Variants in FREM1 observed in about 807,000 individuals in gnomAD.
FREM1 encodes FRAS1-related extracellular matrix protein 1.
FREM1 carries 220 observed loss-of-function variants against 210.1 expected under a neutral mutation model. The observed-to-expected ratio is 1.05, with a 90% confidence interval of 0.94 to 1.17. The LOEUF is 1.17. Ranked by LOEUF, FREM1 falls within the 50% of genes most tolerant of loss-of-function variation. The probability of loss-of-function intolerance (pLI) is 0.00; values close to 1 mark genes in which losing one functional copy is unlikely to be tolerated. For missense variants in FREM1, 3,454 were observed against 2,675.5 expected, an observed-to-expected ratio of 1.29 and a Z score of -6.42; for synonymous variants, 1,189 against 980.2, an observed-to-expected ratio of 1.21 and a Z score of -3.98.
At chr9:14,880,363 G>C (rs1834564879) in intron 1 of FREM1, among the ~76,000 whole-genome samples, 1 of 152,084 alleles carries the variant, frequency 6.6e-6, no homozygotes, top group Non-Finnish European at 1.5e-5. Flanking sequence ...CAGCACTTTG[G>C]GAAGCCGAGG....
chr9:14,754,763 C>A (rs1241611076), intron 29 of FREM1, among the ~76,000 whole-genome samples: 4 of 152,062 alleles, frequency 2.6e-5, no homozygotes, highest in Non-Finnish European at 5.9e-5. Flanking sequence ...GAAACCCCGT[C>A]TCTACTAAAA....
chr9:14,794,228 G>C (rs1286916822), intron 21 of FREM1, among the ~76,000 whole-genome samples: 1 of 152,146 alleles, frequency 6.6e-6, no homozygotes, highest in Non-Finnish European at 1.5e-5. Context: ...GGGAGTAGGA[G>C]AGAAAGGGAA....
intron 25 of FREM1, among the ~76,000 whole-genome samples, chr9:14,771,316 CT>C (rs989496578): frequency 3.9e-5 from 6 of 151,948 alleles, no homozygotes; most frequent in African/African-American, 1.4e-4. Flanking sequence ...TTTGGCATGT[CT>C]TTTTTCAACT....
chr9:14,785,493 C>T (rs1379333344), intron 23 of FREM1, among the ~76,000 whole-genome samples: 1 of 152,112 alleles, frequency 6.6e-6, no homozygotes, highest in Non-Finnish European at 1.5e-5. Flanking sequence ...CAACCATATT[C>T]ATATCAGGAT....
At chr9:14,826,430 C>T (rs930043587) in intron 10 of FREM1, among the ~76,000 whole-genome samples, 6 of 152,180 alleles carry the variant, frequency 3.9e-5, no homozygotes, top group African/African-American at 1.4e-4. Flanking sequence ...ATCAATCCAA[C>T]ACTCTAATTA....
intron 10 of FREM1, among the ~76,000 whole-genome samples, chr9:14,831,862 C>T (rs1333774194): frequency 6.6e-6 from 1 of 152,210 alleles, no homozygotes; most frequent in African/African-American, 2.4e-5. Flanking sequence ...CTCGGAGGGT[C>T]ACGCCTGCAA....
chr9:14,871,006 A>G (rs933110150), intron 1 of FREM1, among the ~76,000 whole-genome samples: 1 of 152,102 alleles, frequency 6.6e-6, no homozygotes, highest in African/African-American at 2.4e-5. Context: ...ATGGCTGCAT[A>G]GTATTCCATG....
rs559484885 is a variant in FREM1, at chr9:14,760,550, T to C, written c.5205-649A>G. On this transcript the variant is annotated intron_variant, in intron 27 of 36. Coordinates refer to ENST00000380880, the MANE Select transcript of FREM1 (RefSeq NM_001379081.2). ...GAGGATAGTCTTTCTTTCCACAATA[T>C]ATTTAGTGAGTCCAACATTTGGTGG... is the stretch of plus-strand genomic sequence containing the variant. Among the ~76,000 whole-genome samples the C allele has an allele frequency of 8.5e-5, 13 of 152,292 alleles. 1 individual carries two copies. Among genetic ancestry groups the C allele is most frequent in the African/African-American group, 2.9e-4 (12 of 41,572 alleles).
intron 27 of FREM1, among the ~76,000 whole-genome samples, chr9:14,768,408 T>A (rs1437659396): frequency 6.6e-6 from 1 of 151,804 alleles, no homozygotes; most frequent in Non-Finnish European, 1.5e-5. Context: ...ATAAAGATTG[T>A]GATCCTGGGA....
chr9:14,849,475 T>C (rs1333006333), intron 6 of FREM1, among the ~76,000 whole-genome samples: 1 of 152,210 alleles, frequency 6.6e-6, no homozygotes, highest in African/African-American at 2.4e-5. Flanking sequence ...TTGCACCAGA[T>C]GTTGACAGAG....
intron 35 of FREM1, among the ~76,000 whole-genome samples, chr9:14,741,704 G>T (rs1841609264): frequency 6.6e-6 from 1 of 152,192 alleles, no homozygotes; most frequent in African/African-American, 2.4e-5. Flanking sequence ...GAGAGACTAG[G>T]ATTCTACTTC....
chr9:14,892,191 CCCGA>C (rs1003707586), intron 1 of FREM1, among the ~76,000 whole-genome samples: 3 of 152,030 alleles, frequency 2.0e-5, no homozygotes, highest in Non-Finnish European at 4.4e-5. Flanking sequence ...GAAAAAACCC[CCCGA>C]CCCAAAGGCT....
chr9:14,856,215 T>C (rs1023248432), intron 5 of FREM1, among the ~76,000 whole-genome samples: 5 of 152,186 alleles, frequency 3.3e-5, no homozygotes, highest in Admixed American at 6.5e-5. Context: ...CCACTTTAAG[T>C]TGAAGAAAAT....
intron 25 of FREM1, among the ~76,000 whole-genome samples, chr9:14,774,880 CT>C (rs1367949569): frequency 6.6e-6 from 1 of 152,164 alleles, no homozygotes; most frequent in African/African-American, 2.4e-5. Flanking sequence ...AACTCCTGAA[CT>C]TGTACCCTCA....
intron 8 of FREM1, among the ~76,000 whole-genome samples, chr9:14,845,450 G>A (rs1476702918): frequency 8.6e-5 from 13 of 151,922 alleles, no homozygotes; most frequent in African/African-American, 2.4e-5. Flanking sequence ...GACTACAGGC[G>A]CCCGCCACCA....
chr9:14,747,728 C>A lies in FREM1; in HGVS notation c.5797G>T (p.Val1933Phe). The change falls in exon 32 of 37, where the codon GTT becomes TTT. Residue 1933 changes from valine to phenylalanine, a missense_variant and splice_region_variant. Val to Phe is a conservative substitution (Grantham distance 50, BLOSUM62 -1). Coordinates refer to ENST00000380880, the MANE Select transcript of FREM1 (RefSeq NM_001379081.2). ...KLRTRGNGKT[V>F]RPSSVYRNGT... The stretch of plus-strand genomic sequence containing the variant: ...TTTCTATAAACAGAGGATGGACGAA[C>A]CTGAAATTGACAGAGAACAAAATAT... 2.6e-6 allele frequency: 4 copies of A among 1,536,556 alleles called. No homozygotes were observed. The highest frequency in any genetic ancestry group is 2.5e-5 in the South Asian group (2 of 81,492).
intron 27 of FREM1, among the ~76,000 whole-genome samples, chr9:14,765,356 ATTAGTATGTGAT>A (rs528412001): frequency 1.6e-3 from 248 of 152,300 alleles, no homozygotes; most frequent in African/African-American, 5.7e-3. Flanking sequence ...GTAACCACTG[ATTAGTATGTGAT>A]TTAGTGTGTG....
chr9:14,784,324 A>G (rs762658875), intron 24 of FREM1, 46 bp downstream of exon 24: 7 of 1,561,244 alleles, frequency 4.5e-6, no homozygotes, highest in Non-Finnish European at 6.1e-6. Flanking sequence ...CTTTTCTGTA[A>G]GTATTAATCC....
chr9:14,823,314 T>C lies in FREM1; in HGVS notation c.2183A>G (p.Tyr728Cys). 1.2e-6 allele frequency: 2 copies of C among 1,613,748 alleles called. No individual in the cohort carries two copies. Among genetic ancestry groups the C allele is most frequent in the Non-Finnish European group, 1.7e-6 (2 of 1,179,716 alleles). Residue 728 changes from tyrosine (Y) to cysteine (C), a missense_variant, in exon 13 of 37, where the codon TAT (tyrosine) becomes TGT (cysteine). Coordinates refer to ENST00000380880, the MANE Select transcript of FREM1 (RefSeq NM_001379081.2). ...LRSFTQHAVN[Y>C]MKVAYMPPMQ... ...GGGGGGCATGTAGGCCACTTTCATA[T>C]AGTTCACAGCATGCTGCAAAGTAAG...
Sources: gnomAD v4.1 joint callset for allele counts (sites outside exome capture counted in the v4.1 genomes callset) on GRCh38, gnomAD v4.1.1 for gene constraint, MANE v1.5 for transcripts, NCBI Gene and HGNC (gene_info 2026-07-23, HGNC 2026-07-21) for gene names.